Variants in CCDC148 observed in about 807,000 individuals in gnomAD.
The protein encoded by CCDC148 is coiled-coil domain-containing protein 148.
In CCDC148, 89 loss-of-function variants were observed where a neutral mutation model predicts 85.7. The ratio of observed to expected loss-of-function variants is 1.04; its 90% CI spans 0.87 to 1.24. CCDC148 has a LOEUF of 1.24. Among genes scored for constraint, CCDC148 ranks in the 50% most tolerant of loss-of-function variants. CCDC148 has a pLI of 0.00. For synonymous variants in CCDC148, 230 were observed against 213.9 expected (o/e 1.08, Z -0.66); for missense variants, 692 against 671.7 (o/e 1.03, Z -0.33).
chr2:158,328,590 C>G (rs1692919032), intron 7 of CCDC148, among the ~76,000 whole-genome samples: 1 of 152,126 alleles, frequency 6.6e-6, no homozygotes, highest in Non-Finnish European at 1.5e-5. Flanking sequence ...AATCGCCACA[C>G]TGACTTCCAC....
intron 1 of CCDC148, among the ~76,000 whole-genome samples, chr2:158,409,590 T>G (rs1390978008): frequency 6.6e-6 from 1 of 152,250 alleles, no homozygotes; most frequent in African/African-American, 2.4e-5. Flanking sequence ...TAGCTTGCTT[T>G]TGATTTTACA....
chr2:158,211,891 C>G (rs1686598194), intron 11 of CCDC148, among the ~76,000 whole-genome samples: 1 of 152,138 alleles, frequency 6.6e-6, no homozygotes. Flanking sequence ...GTCAATCATG[C>G]TTGCTTAGCT....
At chr2:158,410,492 T>G (rs1208230901) in intron 1 of CCDC148, among the ~76,000 whole-genome samples, 2 of 152,190 alleles carry the variant, frequency 1.3e-5, no homozygotes, top group African/African-American at 4.8e-5. Context: ...TTTGGTTTGA[T>G]CCTTCTCTCA....
chr2:158,243,339 C>T (rs1688430836), intron 10 of CCDC148, among the ~76,000 whole-genome samples: 1 of 152,092 alleles, frequency 6.6e-6, no homozygotes, highest in South Asian at 2.1e-4. Context: ...TGCCTCCCAT[C>T]ACTATAATCA....
At chr2:158,354,213 GA>G (rs915781385) in intron 2 of CCDC148, among the ~76,000 whole-genome samples, 19 of 151,966 alleles carry the variant, frequency 1.3e-4, no homozygotes, top group African/African-American at 4.4e-4. Context: ...CAGAAGGCAA[GA>G]AATAATGAAA....
chr2:158,311,046 C>T (rs894096549), intron 8 of CCDC148, among the ~76,000 whole-genome samples: 12 of 152,246 alleles, frequency 7.9e-5, no homozygotes, highest in East Asian at 1.9e-4. Context: ...GCCAGGCAGA[C>T]GCTGCTCACT....
chr2:158,256,147 T>C (rs1016433594), intron 9 of CCDC148, among the ~76,000 whole-genome samples: 1 of 151,766 alleles, frequency 6.6e-6, no homozygotes, highest in Admixed American at 6.6e-5. Context: ...TGAAACAATA[T>C]TAACACAATT....
At chr2:158,339,323 GCA>G (rs1223651783) in intron 5 of CCDC148, among the ~76,000 whole-genome samples, 3 of 152,030 alleles carry the variant, frequency 2.0e-5, no homozygotes, top group Admixed American at 2.0e-4. Context: ...CAGTCACTCT[GCA>G]CCCACCTTTT....
intron 11 of CCDC148, among the ~76,000 whole-genome samples, chr2:158,193,226 T>C (rs1255391293): frequency 6.6e-6 from 1 of 152,140 alleles, no homozygotes; most frequent in Non-Finnish European, 1.5e-5. Flanking sequence ...AACATTTCTG[T>C]CTTATGTGCA....
intron 7 of CCDC148, 91 bp from the exon 8 acceptor site, chr2:158,313,985 A>G: frequency 2.5e-6 from 3 of 1,212,976 alleles, no homozygotes; most frequent in Non-Finnish European, 3.4e-6. Context: ...AGTGATAGTA[A>G]CGAAGCAAAA....
intron 7 of CCDC148, among the ~76,000 whole-genome samples, chr2:158,316,704 T>G (rs1238489824): frequency 1.3e-5 from 2 of 152,174 alleles, no homozygotes; most frequent in Non-Finnish European, 2.9e-5. Context: ...TAGGCAGTAA[T>G]AATGAAACAG....
In CCDC148 at chr2:158,184,255, G is replaced by T. The variant is rs375552419; in HGVS notation, c.1371-5259C>A. On this transcript the variant is annotated intron_variant, in intron 11 of 13. Transcript: ENST00000283233. ...GCAGAATCAGAAAAGATGAACCCTT[G>T]CCAGCCCCAAACAGAGACCATTGTT... is the stretch of plus-strand genomic sequence containing the variant. Among the ~76,000 whole-genome samples, 13 of 152,198 alleles carry T rather than the reference G, an allele frequency of 8.5e-5. No individual in the cohort carries two copies. In the South Asian group the frequency reaches 1.9e-3, roughly 22 times the overall value.
At chr2:158,410,663 A>T (rs1401662213) in intron 1 of CCDC148, among the ~76,000 whole-genome samples, 1 of 152,070 alleles carries the variant, frequency 6.6e-6, no homozygotes, top group Non-Finnish European at 1.5e-5. Flanking sequence ...TTGTGTTCTT[A>T]CAGTCAGAGT....
At chr2:158,361,710 C>T (rs887409717) in intron 1 of CCDC148, among the ~76,000 whole-genome samples, 3 of 152,206 alleles carry the variant, frequency 2.0e-5, no homozygotes, top group Non-Finnish European at 4.4e-5. Context: ...GTACCAGCCA[C>T]TGCAAACACG....
intron 1 of CCDC148, among the ~76,000 whole-genome samples, chr2:158,445,330 C>T (rs1285775362): frequency 6.6e-6 from 1 of 151,938 alleles, no homozygotes; most frequent in African/African-American, 2.4e-5. Context: ...TTGTGTTTTT[C>T]TTATTTATGT....
chr2:158,315,743 T>G (rs1052849796), intron 7 of CCDC148, among the ~76,000 whole-genome samples: 1 of 151,938 alleles, frequency 6.6e-6, no homozygotes, highest in Non-Finnish European at 1.5e-5. Flanking sequence ...AGAATTGCTA[T>G]GGACCAACTA....
At chr2:158,175,830 T>G (rs1007645960) in intron 13 of CCDC148, among the ~76,000 whole-genome samples, 4 of 151,980 alleles carry the variant, frequency 2.6e-5, no homozygotes, top group Non-Finnish European at 5.9e-5. Flanking sequence ...GACAACTACT[T>G]TCTCTCTTAA....
chr2:158,439,970 C>T (rs1006266026), intron 1 of CCDC148, among the ~76,000 whole-genome samples: 4 of 152,098 alleles, frequency 2.6e-5, no homozygotes, highest in African/African-American at 9.7e-5. Flanking sequence ...AAGCATCTTC[C>T]TATCTTACCT....
intron 10 of CCDC148, 56 bp from the exon 11 acceptor site, chr2:158,220,769 G>A (rs1201417152): frequency 3.7e-6 from 5 of 1,349,660 alleles, no homozygotes; most frequent in Non-Finnish European, 5.1e-6. Flanking sequence ...TAAAAATGAG[G>A]GAAAAGCCAT....
Sources: gnomAD v4.1 joint callset for allele counts (sites outside exome capture counted in the v4.1 genomes callset) on GRCh38, gnomAD v4.1.1 for gene constraint, MANE v1.5 for transcripts, NCBI Gene and HGNC (gene_info 2026-07-23, HGNC 2026-07-21) for gene names.